KATNIP: variants seen among roughly 807,000 people sequenced by gnomAD.
KATNIP encodes katanin-interacting protein.
KATNIP carries 126 observed loss-of-function variants against 174.0 expected under a neutral mutation model. The ratio of observed to expected loss-of-function variants is 0.72; its 90% CI spans 0.63 to 0.84. The LOEUF (loss-of-function observed/expected upper bound fraction) is 0.84, where lower values mean the gene tolerates loss of function less well. Among genes scored for constraint, KATNIP ranks in the 40% least tolerant of loss-of-function variants. KATNIP has a pLI of 0.00. For synonymous variants in KATNIP, 810 were observed against 835.7 expected (o/e 0.97, Z 0.53); for missense variants, 1,958 against 2,109.7 (o/e 0.93, Z 1.41).
intron 2 of KATNIP, among the ~76,000 whole-genome samples, chr16:27,574,669 A>G (rs563545009): frequency 5.2e-4 from 75 of 145,244 alleles, no homozygotes; most frequent in African/African-American, 1.8e-3. Context: ...GGTTCAAGCA[A>G]TTCTCCTGCC....
At chr16:27,565,256 A>G (rs1048068477) in intron 1 of KATNIP, among the ~76,000 whole-genome samples, 9 of 151,010 alleles carry the variant, frequency 6.0e-5, no homozygotes, top group Admixed American at 1.3e-4. Context: ...ACCTGATGTC[A>G]GGAGTTTGAG....
intron 15 of KATNIP, 140 bp from the exon 16 acceptor site, chr16:27,749,444 C>A: frequency 2.0e-6 from 2 of 1,009,706 alleles, no homozygotes; most frequent in Non-Finnish European, 1.4e-6. Flanking sequence ...CAGCCGGGAA[C>A]AACCCCGCTG....
chr16:27,601,098 C>G (rs2075508727), intron 2 of KATNIP, among the ~76,000 whole-genome samples: 1 of 152,222 alleles, frequency 6.6e-6, no homozygotes, highest in African/African-American at 2.4e-5. Context: ...TTCTATCTCT[C>G]TACTCCAAGT....
intron 1 of KATNIP, among the ~76,000 whole-genome samples, chr16:27,562,885 C>A (rs1321127848): frequency 6.6e-6 from 1 of 152,228 alleles, no homozygotes; most frequent in Non-Finnish European, 1.5e-5. Context: ...GTTTCACCAT[C>A]CCAGAAAGAG....
chr16:27,554,327 G>A (rs2089519768), intron 1 of KATNIP, among the ~76,000 whole-genome samples: 1 of 152,144 alleles, frequency 6.6e-6, no homozygotes, highest in South Asian at 2.1e-4. Context: ...GCTGGGCATG[G>A]TGGCACATAA....
chr16:27,723,698 C>G (rs2080329587), intron 14 of KATNIP, among the ~76,000 whole-genome samples: 1 of 152,178 alleles, frequency 6.6e-6, no homozygotes, highest in Non-Finnish European at 1.5e-5. Context: ...TTACTGATAT[C>G]CAGATGAGAG....
At chr16:27,596,728 A>G (rs1308917382) in intron 2 of KATNIP, among the ~76,000 whole-genome samples, 1 of 152,222 alleles carries the variant, frequency 6.6e-6, no homozygotes, top group Non-Finnish European at 1.5e-5. Context: ...CGTTTCCACA[A>G]AAAATAAAAA....
chr16:27,669,284 T>G (rs1395521347), intron 6 of KATNIP: 27 of 985,408 alleles, frequency 2.7e-5, no homozygotes, highest in Non-Finnish European at 3.0e-5. Context: ...TTTAAGTCTT[T>G]GTATCAGCGT....
chr16:27,774,872 G>A (rs898781243), intron 23 of KATNIP, 73 bp from the exon 24 acceptor site: 20 of 1,577,970 alleles, frequency 1.3e-5, no homozygotes, highest in East Asian at 6.8e-5. Context: ...CCCGAGCCAC[G>A]CCATCAGCCT....
intron 6 of KATNIP, among the ~76,000 whole-genome samples, chr16:27,661,939 T>TACACACATAC (rs1167694231): frequency 2.9e-5 from 2 of 68,376 alleles, no homozygotes; most frequent in African/African-American, 1.4e-4. Context: ...TATATATATA[T>TACACACATAC]ATATATATAT....
chr16:27,662,043 C>T (rs866871108), intron 6 of KATNIP, among the ~76,000 whole-genome samples: 5 of 19,232 alleles, frequency 2.6e-4, no homozygotes, highest in Non-Finnish European at 3.9e-4. Flanking sequence ...TATATATATA[C>T]ACATACATAT....
At chr16:27,692,510 C>T (rs991644762) in intron 8 of KATNIP, among the ~76,000 whole-genome samples, 5 of 152,278 alleles carry the variant, frequency 3.3e-5, no homozygotes, top group South Asian at 4.1e-4. Flanking sequence ...TCTCCACCCT[C>T]GTTGCTAACC....
chr16:27,634,853 C>CAG (rs1371536113), intron 5 of KATNIP, among the ~76,000 whole-genome samples: 2 of 152,116 alleles, frequency 1.3e-5, no homozygotes, highest in East Asian at 1.9e-4. Context: ...TGGGTTTCAG[C>CAG]AGAGAGAGAG....
intron 1 of KATNIP, among the ~76,000 whole-genome samples, chr16:27,562,148 A>C (rs2141602652): frequency 6.6e-6 from 1 of 152,284 alleles, no homozygotes; most frequent in East Asian, 1.9e-4. Context: ...TTACCAAAAA[A>C]TGTTATAAAT....
rs1414409215 is a variant in KATNIP, at chr16:27,761,411, A to G, written c.3632-2A>G. On this transcript the variant is annotated splice_acceptor_variant, in intron 18 of 27. Transcript: ENST00000261588. LOFTEE classifies it high-confidence loss of function. Reference sequence around the variant, plus strand: ...AATGGGCCACTTCTCTTCCTGTTGCAGGCCTTCAGCTGAATTTCACTGCCT... The same window carrying G: ...AATGGGCCACTTCTCTTCCTGTTGCGGGCCTTCAGCTGAATTTCACTGCCT... The G allele has an allele frequency of 6.2e-7, 1 of 1,604,002 alleles. No individual in the cohort carries two copies. Among genetic ancestry groups the G allele is most frequent in the Admixed American group, 1.7e-5 (1 of 57,846 alleles).
chr16:27,713,809 C>CATATATATAT (rs60005285), intron 13 of KATNIP, among the ~76,000 whole-genome samples: 14 of 33,346 alleles, frequency 4.2e-4, no homozygotes, highest in South Asian at 1.2e-3. Context: ...TGTGTATATA[C>CATATATATAT]ATATATATAT....
chr16:27,655,799 C>A (rs918397216), intron 6 of KATNIP, among the ~76,000 whole-genome samples: 2 of 152,100 alleles, frequency 1.3e-5, no homozygotes, highest in Non-Finnish European at 2.9e-5. Flanking sequence ...GAAGCCCAGG[C>A]TCATGACTCC....
chr16:27,708,619 T>A, intron 12 of KATNIP, 86 bp from the exon 13 acceptor site: 2 of 1,065,260 alleles, frequency 1.9e-6, no homozygotes, highest in Non-Finnish European at 2.8e-6. Flanking sequence ...GTTAACTAAC[T>A]TTTTGAAGGC....
chr16:27,745,988 G>A (rs576267806), intron 15 of KATNIP, among the ~76,000 whole-genome samples: 2 of 116,536 alleles, frequency 1.7e-5, no homozygotes, highest in East Asian at 2.8e-4. Context: ...TTTTTGAGAT[G>A]GAGTCTTGCT....
Sources: gnomAD v4.1 joint callset for allele counts (sites outside exome capture counted in the v4.1 genomes callset) on GRCh38, gnomAD v4.1.1 for gene constraint, MANE v1.5 for transcripts, NCBI Gene and HGNC (gene_info 2026-07-23, HGNC 2026-07-21) for gene names.